RAB15: variants seen among roughly 807,000 people sequenced by gnomAD.
The protein encoded by RAB15 is ras-related protein Rab-15.
Under a neutral mutation model 31.8 loss-of-function variants are expected in RAB15, and 13 were observed. The observed-to-expected ratio is 0.41, with a 90% confidence interval of 0.27 to 0.65. RAB15 has a LOEUF of 0.65. Among genes scored for constraint, RAB15 ranks in the 30% least tolerant of loss-of-function variants. The probability of loss-of-function intolerance (pLI) is 0.32; values close to 1 mark genes in which losing one functional copy is unlikely to be tolerated. For missense variants in RAB15, 220 were observed against 277.3 expected, an observed-to-expected ratio of 0.79 and a Z score of 1.47; for synonymous variants, 100 against 105.6, an observed-to-expected ratio of 0.95 and a Z score of 0.33.
At chr14:64,964,508 G>T in intron 1 of RAB15, among the ~76,000 whole-genome samples, 1 of 131,960 alleles carries the variant, frequency 7.6e-6, no homozygotes. Context: ...GACAGAGCAA[G>T]ACTCTGTTTC....
In RAB15 at chr14:64,954,198, G is replaced by A; in HGVS notation, c.125-1627C>T. 1.0e-6 allele frequency: 1 copy of A among 985,404 alleles called. No individual in the cohort carries two copies. The highest frequency in any genetic ancestry group is 1.2e-6 in the Non-Finnish European group (1 of 829,930). The allele number at this position is 985,404 out of a possible 1,614,324, so 61.0% of individuals were successfully genotyped here. On this transcript the variant is annotated intron_variant, in intron 1 of 6. Transcript: ENST00000533601. This position sits in a 1 kb window ranked among gnomAD's most constrained non-coding sequence, Gnocchi z 4.3. ...AGCTGTACTTTTCCAAATGGGCAAT[G>A]CCTGGCAGCCATTCTTCCATGTGTG...
chr14:64,970,365 G>A lies in RAB15; in HGVS notation c.124+1588C>T, dbSNP rs536947123. On this transcript the variant is annotated intron_variant, in intron 1 of 6. Coordinates refer to ENST00000533601, the MANE Select transcript of RAB15 (RefSeq NM_001308154.2). The surrounding 1 kb of genome is among the most constrained non-coding windows in gnomAD (Gnocchi z 4.1). The stretch of plus-strand genomic sequence containing the variant: ...ACCTGCCTCTTCCCCAAGTCCTCCC[G>A]GCAGGCACAAAGCCTTAGTGTCTAT... Among the ~76,000 whole-genome samples, 55 of 152,250 alleles carry A rather than the reference G, an allele frequency of 3.6e-4. 1 individual carries two copies. In the South Asian group the frequency reaches 4.1e-3, roughly 11 times the overall value.
At position 64,954,451 on chromosome 14, in the gene RAB15, C is replaced by T; in HGVS notation, c.125-1880G>A. The T allele has an allele frequency of 3.0e-6, 3 of 985,462 alleles. No homozygotes were observed. Among genetic ancestry groups the T allele is most frequent in the Non-Finnish European group, 3.6e-6 (3 of 829,930 alleles). The allele number at this position is 985,462 out of a possible 1,614,324, so 61.0% of individuals were successfully genotyped here. On this transcript the variant is annotated intron_variant, in intron 1 of 6. Transcript: ENST00000533601. The surrounding 1 kb of genome is among the most constrained non-coding windows in gnomAD (Gnocchi z 4.3). ...CAATTTGTAATATACCTGGTTTATC[C>T]TCACACTAGCCTAGCAAACCTGGCC...
chr14:64,950,516 C>A lies in RAB15; in HGVS notation c.325-102G>T. 1.0e-6 allele frequency: 1 copy of A among 1,001,170 alleles called. No homozygotes were observed. The highest frequency in any genetic ancestry group is 1.3e-5 in the South Asian group (1 of 77,758). The allele number at this position is 1,001,170 out of a possible 1,614,324, so 62.0% of individuals were successfully genotyped here. ...CTCCAGCCCACCACCAATTCCAGAGCCCTAGGGACAGGGTGGGCCGACTGG... is the reference window on the plus strand; with the variant it reads ...CTCCAGCCCACCACCAATTCCAGAGACCTAGGGACAGGGTGGGCCGACTGG... On this transcript the variant is annotated intron_variant, in intron 4 of 6. Coordinates refer to ENST00000533601, the MANE Select transcript of RAB15 (RefSeq NM_001308154.2). This position sits in a 1 kb window ranked among gnomAD's most constrained non-coding sequence, Gnocchi z 5.6.
Position 64,955,167 on chromosome 14 carries a change from T to C in RAB15, c.125-2596A>G, listed in dbSNP as rs1454534728. ...ATGTGTTTTATTCACCTTTTGGCTA[T>C]TCATATGCATTCACATATGATGGAA... On this transcript the variant is annotated intron_variant, in intron 1 of 6. Coordinates refer to ENST00000533601, the MANE Select transcript of RAB15 (RefSeq NM_001308154.2). The surrounding 1 kb of genome is among the most constrained non-coding windows in gnomAD (Gnocchi z 4.4). Among the ~76,000 whole-genome samples the C allele has an allele frequency of 2.0e-5, 3 of 152,316 alleles. No homozygotes were observed. The highest frequency in any genetic ancestry group is 4.4e-5 in the Non-Finnish European group (3 of 68,022).
chr14:64,947,176 C>CT lies in RAB15; in HGVS notation c.*1177dup, dbSNP rs1323476082. On this transcript the variant is annotated 3_prime_UTR_variant, in exon 7 of 7. Coordinates refer to ENST00000533601, the MANE Select transcript of RAB15 (RefSeq NM_001308154.2). This position sits in a 1 kb window ranked among gnomAD's most constrained non-coding sequence, Gnocchi z 5.6. ...CTGAAGGCTAGGCTCAGTCCTCCGC[C>CT]TGGGAGTCTGAGGAAATGCTCTTCT... 6.6e-6 allele frequency: 1 copy of CT among 152,534 alleles called. No homozygotes were observed. Among genetic ancestry groups the CT allele is most frequent in the Non-Finnish European group, 1.5e-5 (1 of 68,064 alleles). The allele number at this position is 152,534 out of a possible 1,614,324, so 9.4% of individuals were successfully genotyped here. A position where few individuals can be genotyped will look rare whatever the true frequency, so the allele number is the denominator to read the frequency against.
rs1212025497 is a variant in RAB15 at position 64,970,432 on chromosome 14, G to T, written c.124+1521C>A. On this transcript the variant is annotated intron_variant, in intron 1 of 6. Transcript: ENST00000533601. This position sits in a 1 kb window ranked among gnomAD's most constrained non-coding sequence, Gnocchi z 4.1. ...TGCAATGTCTCTCATCCAAACCATG[G>T]CTCAGCCCAAGCTCCTGGGTTTCCT... is the stretch of plus-strand genomic sequence containing the variant. Among the ~76,000 whole-genome samples the T allele has an allele frequency of 2.0e-5, 3 of 152,142 alleles. No homozygotes were observed. Among genetic ancestry groups the T allele is most frequent in the Non-Finnish European group, 4.4e-5 (3 of 68,046 alleles).
At position 64,955,720 on chromosome 14, in the gene RAB15, C is replaced by G. The variant is rs1277807807; in HGVS notation, c.125-3149G>C. On this transcript the variant is annotated intron_variant, in intron 1 of 6. Coordinates refer to ENST00000533601, the MANE Select transcript of RAB15 (RefSeq NM_001308154.2). This position sits in a 1 kb window ranked among gnomAD's most constrained non-coding sequence, Gnocchi z 4.4. The stretch of plus-strand genomic sequence containing the variant: ...TCAGATTTTCCTAAGTTCTCTCTGC[C>G]TTCCCTCAGGGAAGAGTCCTCTGTC... Among the ~76,000 whole-genome samples the G allele has an allele frequency of 6.6e-6, 1 of 152,240 alleles. No homozygotes were observed. Among genetic ancestry groups the G allele is most frequent in the African/African-American group, 2.4e-5 (1 of 41,454 alleles).
chr14:64,952,592 A>G lies in RAB15; in HGVS notation c.125-21T>C. On this transcript the variant is annotated intron_variant, in intron 1 of 6. Coordinates refer to ENST00000533601, the MANE Select transcript of RAB15 (RefSeq NM_001308154.2). This position sits in a 1 kb window ranked among gnomAD's most constrained non-coding sequence, Gnocchi z 4.2. ...AACACCTGAAGAAAGGAAGAAAGAA[A>G]GAAAGTTAGAAAGCGTACCCACGAG... is the stretch of plus-strand genomic sequence containing the variant. 1 of 1,565,524 alleles carries G rather than the reference A, an allele frequency of 6.4e-7. No homozygotes were observed. The highest frequency in any genetic ancestry group is 8.8e-7 in the Non-Finnish European group (1 of 1,137,954).
chr14:64,967,004 A>G (rs973165462), intron 1 of RAB15, among the ~76,000 whole-genome samples: 1 of 152,064 alleles, frequency 6.6e-6, no homozygotes, highest in African/African-American at 2.4e-5. Context: ...ACCCCATTCC[A>G]GGCTTGGATC....
intron 1 of RAB15, among the ~76,000 whole-genome samples, chr14:64,965,309 A>G (rs920371574): frequency 6.6e-6 from 1 of 152,022 alleles, no homozygotes; most frequent in African/African-American, 2.4e-5. Flanking sequence ...AACACAAAAA[A>G]TTAGCCAGGT....
chr14:64,966,517 G>A (rs376629286), intron 1 of RAB15, among the ~76,000 whole-genome samples: 5 of 149,342 alleles, frequency 3.3e-5, no homozygotes, highest in South Asian at 2.1e-4. Flanking sequence ...AGAGATACTC[G>A]GTCTCAAAAA....
At position 64,970,805 on chromosome 14, in the gene RAB15, T is replaced by C. The variant is rs774531447; in HGVS notation, c.124+1148A>G. ...GTGAGGTCTCAGGTCTCTTGGACAATAAAGCTGGCTTCTTAACCAGAAGGT... is the reference window on the plus strand; with the variant it reads ...GTGAGGTCTCAGGTCTCTTGGACAACAAAGCTGGCTTCTTAACCAGAAGGT... On this transcript the variant is annotated intron_variant, in intron 1 of 6. Transcript: ENST00000533601. The surrounding 1 kb of genome is among the most constrained non-coding windows in gnomAD (Gnocchi z 4.1). 8.5e-5 allele frequency among the ~76,000 whole-genome samples: 13 copies of C among 152,194 alleles called. No individual in the cohort carries two copies. Among genetic ancestry groups the C allele is most frequent in the Non-Finnish European group, 1.5e-5 (1 of 68,030 alleles).
chr14:64,963,389 G>C lies in RAB15; in HGVS notation c.124+8564C>G, dbSNP rs1594949802. Among the ~76,000 whole-genome samples, 2 of 152,114 alleles carry C rather than the reference G, an allele frequency of 1.3e-5. 1 individual carries two copies. The highest frequency in any genetic ancestry group is 4.1e-4 in the South Asian group (2 of 4,820). On this transcript the variant is annotated intron_variant, in intron 1 of 6. Coordinates refer to ENST00000533601, the MANE Select transcript of RAB15 (RefSeq NM_001308154.2). ...GTGCACAGACCTCCCTAGAGCCTTG[G>C]TGACATGTGCAGTGTGCTCCAGCCA...
In RAB15 at chr14:64,962,087, C is replaced by T. The variant is rs892737319; in HGVS notation, c.125-9516G>A. Among the ~76,000 whole-genome samples the T allele has an allele frequency of 6.6e-6, 1 of 152,034 alleles. No homozygotes were observed. The highest frequency in any genetic ancestry group is 1.5e-5 in the Non-Finnish European group (1 of 67,990). The stretch of plus-strand genomic sequence containing the variant: ...AAAATTAGCTGGTCGTGGTGGCAGG[C>T]TCCTGGAATCCCAGCTACTCGGGAG... On this transcript the variant is annotated intron_variant, in intron 1 of 6. Coordinates refer to ENST00000533601, the MANE Select transcript of RAB15 (RefSeq NM_001308154.2). This position sits in a 1 kb window ranked among gnomAD's most constrained non-coding sequence, Gnocchi z 4.2.
At chr14:64,965,214 T>C (rs1449063783) in intron 1 of RAB15, among the ~76,000 whole-genome samples, 1 of 152,046 alleles carries the variant, frequency 6.6e-6, no homozygotes, top group African/African-American at 2.4e-5. Flanking sequence ...TCCCAGCACT[T>C]TGGGAGGCCG....
rs575377134 is a variant in RAB15, at chr14:64,955,898, A to G, written c.125-3327T>C. 6.5e-4 allele frequency among the ~76,000 whole-genome samples: 99 copies of G among 152,330 alleles called. No individual in the cohort carries two copies. Among genetic ancestry groups the G allele is most frequent in the African/African-American group, 2.3e-3 (95 of 41,580 alleles). On this transcript the variant is annotated intron_variant, in intron 1 of 6. Transcript: ENST00000533601. This position sits in a 1 kb window ranked among gnomAD's most constrained non-coding sequence, Gnocchi z 4.4. Reference sequence around the variant, plus strand: ...TTCACATTCCGGCTCCTCTAAGGTCATATTTCTCAAACTTCCAGGTGCATG... The same window carrying G: ...TTCACATTCCGGCTCCTCTAAGGTCGTATTTCTCAAACTTCCAGGTGCATG...
At position 64,971,741 on chromosome 14, in the gene RAB15, G is replaced by C. The variant is rs1374100739; in HGVS notation, c.124+212C>G. ...CGGAAGGCTTCCCGGCAAGAGGCGG[G>C]AGACCCCACCCCTGGTCCGGACGGC... On this transcript the variant is annotated intron_variant, in intron 1 of 6. Transcript: ENST00000533601. This position sits in a 1 kb window ranked among gnomAD's most constrained non-coding sequence, Gnocchi z 4.1. 18 of 569,408 alleles carry C rather than the reference G, an allele frequency of 3.2e-5. No individual in the cohort carries two copies. The East Asian group carries it at 5.6e-4, about 18-fold the overall frequency. 35.3% of individuals were successfully genotyped at this position (569,408 alleles called of 1,614,324 possible).
intron 1 of RAB15, among the ~76,000 whole-genome samples, chr14:64,963,459 C>T (rs763269675): frequency 5.9e-5 from 9 of 152,106 alleles, no homozygotes; most frequent in African/African-American, 1.9e-4. Context: ...TGGGTCTCGC[C>T]TCCCTAAGCC....
Sources: allele counts gnomAD v4.1 joint callset (sites outside exome capture counted in the v4.1 genomes callset), GRCh38; gene constraint gnomAD v4.1.1; non-coding constraint Gnocchi (gnomAD v3.1); transcripts MANE v1.5; gene names NCBI Gene and HGNC (gene_info 2026-07-23, HGNC 2026-07-21).